The following UBE3C variants were observed in gnomAD, a reference collection of about 807,000 sequenced individuals.
The protein encoded by UBE3C is ubiquitin-protein ligase E3C.
A neutral mutation model predicts 129.4 loss-of-function variants in UBE3C; 42 were observed. The observed-to-expected ratio is 0.32, with a 90% CI of 0.25 to 0.42. The LOEUF is 0.42. UBE3C is among the 10% of genes least tolerant of loss of function. The pLI is 1.00. For missense variants in UBE3C, 1,049 were observed against 1,319.1 expected (o/e 0.80, Z 3.17); for synonymous variants, 510 against 492.4 (o/e 1.04, Z -0.47).
chr7:157,162,699 C>T (rs1027387484), intron 1 of UBE3C, among the ~76,000 whole-genome samples: 13 of 151,842 alleles, frequency 8.6e-5, no homozygotes, highest in African/African-American at 3.1e-4. Flanking sequence ...ACTGCTGCAC[C>T]CAACTATTTT....
chr7:157,256,936 T>G lies in UBE3C; in HGVS notation c.2973T>G (p.Pro991=). The change falls in exon 22 of 23, where the codon CCT becomes CCG. Residue 991 remains proline (P), a synonymous_variant. Coordinates refer to ENST00000348165, the MANE Select transcript of UBE3C (RefSeq NM_014671.3). ...TAGGAGGCTATTCTGCAGACCATCC[T>G]GTTATTAAGGTCTTCTGGAGAGTTG... ...NYSGGYSADH[P]VIKVFWRVVE... 6.2e-7 allele frequency: 1 copy of G among 1,614,168 alleles called. No homozygotes were observed. Among genetic ancestry groups the G allele is most frequent in the Middle Eastern group, 1.6e-4 (1 of 6,062 alleles).
chr7:157,222,949 G>A (rs905173453), intron 15 of UBE3C: 2 of 257,476 alleles, frequency 7.8e-6, no homozygotes, highest in Non-Finnish European at 1.5e-5. Context: ...GCTGCATTCG[G>A]GCCTCACCGC....
At chr7:157,170,743 C>T (rs953633622) in intron 4 of UBE3C, among the ~76,000 whole-genome samples, 6 of 152,224 alleles carry the variant, frequency 3.9e-5, no homozygotes, top group African/African-American at 1.4e-4. Context: ...TACCCTGACA[C>T]AGCCTTAGCA....
intron 14 of UBE3C, among the ~76,000 whole-genome samples, chr7:157,217,461 G>T (rs1476625668): frequency 6.6e-6 from 1 of 151,524 alleles, no homozygotes; most frequent in Admixed American, 6.6e-5. Context: ...CTTTATCCTT[G>T]ATTTTCTAAA....
intron 1 of UBE3C, among the ~76,000 whole-genome samples, chr7:157,141,461 G>A (rs1366409514): frequency 6.6e-6 from 1 of 152,136 alleles, no homozygotes; most frequent in Non-Finnish European, 1.5e-5. Flanking sequence ...AGCCAGTGTT[G>A]CCCACTGCAC....
chr7:157,249,212 A>G (rs1020313505), intron 19 of UBE3C, among the ~76,000 whole-genome samples: 1 of 152,082 alleles, frequency 6.6e-6, no homozygotes, highest in African/African-American at 2.4e-5. Flanking sequence ...TCCTCGGTCT[A>G]CAGAGCAACC....
At chr7:157,176,115 T>C (rs569710864) in intron 5 of UBE3C, among the ~76,000 whole-genome samples, 11 of 152,274 alleles carry the variant, frequency 7.2e-5, no homozygotes, top group Admixed American at 5.2e-4. Flanking sequence ...ATACATGATA[T>C]ATGTAAATAT....
At chr7:157,250,586 G>C (rs1053635169) in intron 19 of UBE3C, among the ~76,000 whole-genome samples, 1 of 152,120 alleles carries the variant, frequency 6.6e-6, no homozygotes, top group African/African-American at 2.4e-5. Flanking sequence ...GCCTCCCAAA[G>C]TGCTGGGATT....
intron 22 of UBE3C, among the ~76,000 whole-genome samples, chr7:157,265,605 C>T (rs1480427520): frequency 6.6e-6 from 1 of 152,204 alleles, no homozygotes; most frequent in East Asian, 1.9e-4. Context: ...GTGCATGGAA[C>T]ACCATATAGC....
intron 1 of UBE3C, among the ~76,000 whole-genome samples, chr7:157,163,303 C>T (rs886327617): frequency 1.2e-4 from 18 of 149,586 alleles, no homozygotes; most frequent in Non-Finnish European, 2.7e-4. Context: ...AGGAGAATGG[C>T]GTGAACCCGG....
intron 2 of UBE3C, among the ~76,000 whole-genome samples, 199 bp from the exon 3 acceptor site, chr7:157,168,849 G>A (rs1367148133): frequency 6.6e-6 from 1 of 152,102 alleles, no homozygotes; most frequent in South Asian, 2.1e-4. Flanking sequence ...TGGTGATGAA[G>A]GTATTCTAAG....
At chr7:157,237,740 G>T (rs191147414) in intron 18 of UBE3C, among the ~76,000 whole-genome samples, 3 of 152,132 alleles carry the variant, frequency 2.0e-5, no homozygotes, top group East Asian at 3.9e-4. Flanking sequence ...GTGCAATAAA[G>T]ACAACAAATA....
intron 9 of UBE3C, among the ~76,000 whole-genome samples, chr7:157,185,922 C>A (rs959982199): frequency 6.6e-6 from 1 of 151,926 alleles, no homozygotes; most frequent in African/African-American, 2.4e-5. Context: ...AGTTTCCAGA[C>A]AATACAGTCA....
intron 10 of UBE3C, among the ~76,000 whole-genome samples, chr7:157,188,791 T>C (rs1205547669): frequency 4.0e-5 from 6 of 148,700 alleles, no homozygotes; most frequent in African/African-American, 1.3e-4. Flanking sequence ...AGATTTTAAC[T>C]GCTTTCAATT....
intron 13 of UBE3C, among the ~76,000 whole-genome samples, chr7:157,213,414 G>A (rs73746706): frequency 0.014 from 2,059 of 152,346 alleles, 39 homozygotes; most frequent in African/African-American, 0.047. Flanking sequence ...CCTGTGGTGG[G>A]CTTGTCTTAG....
chr7:157,262,966 T>G (rs1796959404), intron 22 of UBE3C: 1 of 152,210 alleles, frequency 6.6e-6, no homozygotes, highest in Admixed American at 6.5e-5. Flanking sequence ...TTTTTAAATT[T>G]TTTTGAACAT....
rs543603826 is a variant in UBE3C, at chr7:157,195,640, G to A, written c.1332-6081G>A. The stretch of plus-strand genomic sequence containing the variant: ...AGCAGATAACTTGTTTTCTAGGTTC[G>A]CAAGTGCACAGATGGAGGAGAATTA... On this transcript the variant is annotated intron_variant, in intron 10 of 22. Coordinates refer to ENST00000348165, the MANE Select transcript of UBE3C (RefSeq NM_014671.3). Among the ~76,000 whole-genome samples, 6 of 152,212 alleles carry A rather than the reference G, an allele frequency of 3.9e-5. No individual in the cohort carries two copies. The South Asian group carries it at 6.2e-4, about 16-fold the overall frequency.
intron 15 of UBE3C, chr7:157,221,400 C>T (rs1211216772): frequency 6.6e-6 from 1 of 152,060 alleles, no homozygotes; most frequent in Non-Finnish European, 1.5e-5. Context: ...ATGAGAGCCT[C>T]TGTTGTTCCC....
chr7:157,221,007 A>G, intron 15 of UBE3C: 1 of 447,018 alleles, frequency 2.2e-6, no homozygotes, highest in Non-Finnish European at 4.1e-6. Context: ...GCCTTTTGCA[A>G]AAGGCCTCCA....
Sources: gnomAD v4.1 joint callset for allele counts (sites outside exome capture counted in the v4.1 genomes callset) on GRCh38, gnomAD v4.1.1 for gene constraint, MANE v1.5 for transcripts, NCBI Gene and HGNC (gene_info 2026-07-23, HGNC 2026-07-21) for gene names.